MFSD11: variants seen among roughly 807,000 people sequenced by gnomAD.
MFSD11 encodes UNC93-like protein MFSD11.
In MFSD11, 36 loss-of-function variants were observed where a neutral mutation model predicts 53.5. The observed-to-expected ratio is 0.67, with a 90% CI of 0.52 to 0.89. MFSD11 has a LOEUF of 0.89. Among genes scored for constraint, MFSD11 ranks in the 40% least tolerant of loss-of-function variants. MFSD11 has a pLI of 0.00. For missense variants in MFSD11, 530 were observed against 543.9 expected, an observed-to-expected ratio of 0.97 and a Z score of 0.25; for synonymous variants, 186 against 184.9, an observed-to-expected ratio of 1.01 and a Z score of -0.05.
At chr17:76,765,810 C>G (rs1456712884) in intron 8 of MFSD11, among the ~76,000 whole-genome samples, 1 of 151,750 alleles carries the variant, frequency 6.6e-6, no homozygotes, top group Non-Finnish European at 1.5e-5. Flanking sequence ...TTTTAATAGA[C>G]TTTATTTTTT....
intron 9 of MFSD11, chr17:76,769,090 T>C (rs2081151367): frequency 6.6e-6 from 1 of 152,194 alleles, no homozygotes; most frequent in Admixed American, 6.5e-5. Flanking sequence ...AATTATCACC[T>C]CTGCCCATCT....
At chr17:76,790,495 C>T in the MFSD11 span, among the ~76,000 whole-genome samples, 1 of 147,102 alleles carries the variant, frequency 6.8e-6, no homozygotes, top group African/African-American at 2.5e-5. Flanking sequence ...GTGCGCGCCA[C>T]CATACCCACC....
chr17:76,783,352 G>C (rs1418500569), downstream of MFSD11, among the ~76,000 whole-genome samples: 4 of 151,886 alleles, frequency 2.6e-5, no homozygotes, highest in Non-Finnish European at 4.4e-5. Context: ...TTTAGATTTG[G>C]CTTAGACCTT....
At chr17:76,740,842 ATAAT>A in intron 2 of MFSD11, 111 bp from the exon 3 acceptor site, 1 of 651,812 alleles carries the variant, frequency 1.5e-6, no homozygotes, top group South Asian at 1.9e-5. Context: ...TTCTGACTAA[ATAAT>A]ATGAGTGTTT....
intron 10 of MFSD11, among the ~76,000 whole-genome samples, chr17:76,772,471 C>A (rs2081450434): frequency 6.6e-6 from 1 of 150,874 alleles, no homozygotes; most frequent in East Asian, 1.9e-4. Context: ...ATCTGAATAT[C>A]CTTTAACAGG....
intron 8 of MFSD11, among the ~76,000 whole-genome samples, chr17:76,759,622 T>C (rs2079997289): frequency 6.6e-6 from 1 of 151,982 alleles, no homozygotes; most frequent in African/African-American, 2.4e-5. Context: ...GCCTGGCTAA[T>C]GTTTTTTTGT....
intron 7 of MFSD11, among the ~76,000 whole-genome samples, chr17:76,751,302 A>G (rs968812346): frequency 6.6e-6 from 1 of 151,772 alleles, no homozygotes; most frequent in South Asian, 2.1e-4. Context: ...AGGCAGGAGA[A>G]TGGCGTGAAC....
chr17:76,755,188 G>A (rs376402715), intron 8 of MFSD11, among the ~76,000 whole-genome samples: 29 of 151,758 alleles, frequency 1.9e-4, no homozygotes, highest in African/African-American at 7.0e-4. Flanking sequence ...CTGCACTCCA[G>A]CCTGGGCAGC....
At chr17:76,760,535 T>G (rs1316993832) in intron 8 of MFSD11, among the ~76,000 whole-genome samples, 1 of 151,822 alleles carries the variant, frequency 6.6e-6, no homozygotes, top group Non-Finnish European at 1.5e-5. Flanking sequence ...TTCTTTTTTT[T>G]TTTTAAACGG....
chr17:76,738,208 A>G lies in MFSD11; in HGVS notation c.-145A>G, dbSNP rs1383876368. On this transcript the variant is annotated 5_prime_UTR_variant, in exon 1 of 13. Transcript: ENST00000685175. ...CTAAACCTGGGGTTCCGATCCAGGA[A>G]CTGGAAGTTGACAGCTTGGCTGCCT... is the stretch of plus-strand genomic sequence containing the variant. 4.8e-6 allele frequency: 3 copies of G among 626,352 alleles called. No homozygotes were observed. Among genetic ancestry groups the G allele is most frequent in the Non-Finnish European group, 8.5e-6 (3 of 352,702 alleles). 38.8% of individuals were successfully genotyped at this position (626,352 alleles called of 1,614,324 possible).
chr17:76,769,775 T>TA lies in MFSD11; in HGVS notation c.779dup (p.Tyr260Ter). 6.2e-7 allele frequency: 1 copy of TA among 1,610,498 alleles called. No individual in the cohort carries two copies. Among genetic ancestry groups the TA allele is most frequent in the Non-Finnish European group, 8.5e-7 (1 of 1,178,210 alleles). Residue 260 changes from tyrosine (Y) to a stop codon, truncating the protein, a stop_gained and frameshift_variant, in exon 10 of 13, where the codon TAT becomes TAAT. Transcript: ENST00000685175. LOFTEE classifies it high-confidence loss of function. Reference sequence around the variant, plus strand: ...GGAATTAACTTTCTTCTCTGGTGTATATGGAACCTGTATTGGTGCTACAAA... The same window carrying TA: ...GGAATTAACTTTCTTCTCTGGTGTATAATGGAACCTGTATTGGTGCTACAAA... ...GLELTFFSGV[Y>*]GTCIGATNKF...
the MFSD11 span, among the ~76,000 whole-genome samples, chr17:76,800,464 T>A: frequency 6.6e-6 from 1 of 152,184 alleles, no homozygotes; most frequent in Non-Finnish European, 1.5e-5. Flanking sequence ...AACAGCCTTC[T>A]CCTTTGTGCT....
chr17:76,786,876 C>A, the MFSD11 span, among the ~76,000 whole-genome samples: 1 of 148,838 alleles, frequency 6.7e-6, no homozygotes, highest in Non-Finnish European at 1.5e-5. Flanking sequence ...AGTGCAGTGG[C>A]GCGATATTGG....
the MFSD11 span, among the ~76,000 whole-genome samples, chr17:76,796,565 G>A: frequency 6.6e-6 from 1 of 152,106 alleles, no homozygotes; most frequent in Non-Finnish European, 1.5e-5. Context: ...GACACTACCA[G>A]GAGTTAGCAC....
At position 76,754,095 on chromosome 17, in the gene MFSD11, T is replaced by C. The variant is rs1337002966; in HGVS notation, c.682+8T>C. 6.2e-7 allele frequency: 1 copy of C among 1,610,190 alleles called. No individual in the cohort carries two copies. The highest frequency in any genetic ancestry group is 1.1e-5 in the South Asian group (1 of 90,848). ...AGGCAGTAGATGCTTTTAGTAAGTA[T>C]TTTCTGTATCTGAAATGCAAGAACT... is the stretch of plus-strand genomic sequence containing the variant. On this transcript the variant is annotated splice_region_variant and intron_variant, in intron 8 of 12. Transcript: ENST00000685175.
chr17:76,774,476 T>A (rs1365715290), intron 10 of MFSD11, among the ~76,000 whole-genome samples: 1 of 152,250 alleles, frequency 6.6e-6, no homozygotes, highest in Non-Finnish European at 1.5e-5. Context: ...TTCCTTTCAG[T>A]TACAGAGTTC....
intron 9 of MFSD11, among the ~76,000 whole-genome samples, chr17:76,768,305 CAA>C (rs78066438): frequency 3.6e-4 from 17 of 46,738 alleles, no homozygotes; most frequent in Admixed American, 7.3e-4. Flanking sequence ...ACCTCCGTCT[CAA>C]AAAAAAAAAA....
At chr17:76,760,752 A>G (rs2144631804) in intron 8 of MFSD11, among the ~76,000 whole-genome samples, 1 of 151,896 alleles carries the variant, frequency 6.6e-6, no homozygotes, top group East Asian at 2.0e-4. Context: ...GCTAGTCTTG[A>G]ACTCCTGACC....
intron 5 of MFSD11, 122 bp downstream of exon 5, chr17:76,742,395 T>C: frequency 2.6e-6 from 2 of 762,210 alleles, no homozygotes; most frequent in Non-Finnish European, 4.3e-6. Flanking sequence ...TCTAGCTAAA[T>C]GTGACGTGAT....
Sources: allele counts gnomAD v4.1 joint callset (sites outside exome capture counted in the v4.1 genomes callset), GRCh38; gene constraint gnomAD v4.1.1; transcripts MANE v1.5; gene names NCBI Gene and HGNC (gene_info 2026-07-23, HGNC 2026-07-21).